Variants in PLAGL1 observed in about 807,000 individuals in gnomAD.
The protein encoded by PLAGL1 is PLAG1 like zinc finger 1, also known as zinc finger protein PLAGL1.
A neutral mutation model predicts 4.6 loss-of-function variants in PLAGL1; 1 was observed. That is an observed-to-expected ratio of 0.22 (90% CI 0.08 to 1.03). PLAGL1 has a LOEUF of 1.03. PLAGL1 is among the 50% of genes least tolerant of loss of function. The pLI, the probability that PLAGL1 is intolerant of heterozygous loss-of-function variation, is 0.58. For missense variants in PLAGL1, 464 were observed against 570.4 expected, an observed-to-expected ratio of 0.81 and a Z score of 1.90; for synonymous variants, 240 against 237.8, an observed-to-expected ratio of 1.01 and a Z score of -0.08.
Position 143,983,708 on chromosome 6 carries a change from T to C in PLAGL1, c.-544+1427A>G, listed in dbSNP as rs1004960314. 1.3e-5 allele frequency among the ~76,000 whole-genome samples: 2 copies of C among 151,636 alleles called. No homozygotes were observed. Among genetic ancestry groups the C allele is most frequent in the African/African-American group, 2.4e-5 (1 of 41,222 alleles). ...TATTGACGTTGAGTAAGGGAGGATG[T>C]GAGATATGAAGGAAGTGTGCTGCAG... On this transcript the variant is annotated intron_variant, in intron 2 of 7. Transcript: ENST00000674357. This position sits in a 1 kb window ranked among gnomAD's most constrained non-coding sequence, Gnocchi z 6.6.
rs991566536 is a variant in PLAGL1, at chr6:144,034,760, A to G, written c.-151+29708T>C. Among the ~76,000 whole-genome samples the G allele has an allele frequency of 1.3e-5, 2 of 152,152 alleles. No individual in the cohort carries two copies. The highest frequency in any genetic ancestry group is 6.5e-5 in the Admixed American group (1 of 15,280). ...AAAATCTTCCTTGGAGGGGACTGTC[A>G]TCTTACATAGCTGACAGTAATTTTC... On this transcript the variant is annotated intron_variant, in intron 1 of 3. Coordinates refer to the PLAGL1 transcript ENST00000437412. This position sits in a 1 kb window ranked among gnomAD's most constrained non-coding sequence, Gnocchi z 4.7.
At chr6:143,999,614 T>C (rs911578880) in intron 1 of PLAGL1, among the ~76,000 whole-genome samples, 2 of 152,228 alleles carry the variant, frequency 1.3e-5, no homozygotes, top group Admixed American at 1.3e-4. Flanking sequence ...CCACCTCAGT[T>C]GCTAAGCTCT....
Position 143,948,270 on chromosome 6 carries a change from C to T in PLAGL1, c.-134G>A. The T allele has an allele frequency of 1.4e-6, 1 of 728,378 alleles. No individual in the cohort carries two copies. The highest frequency in any genetic ancestry group is 2.3e-6 in the Non-Finnish European group (1 of 429,998). 45.1% of individuals were successfully genotyped at this position (728,378 alleles called of 1,614,324 possible). A position where few individuals can be genotyped will look rare whatever the true frequency, so the allele number is the denominator to read the frequency against. On this transcript the variant is annotated 5_prime_UTR_variant, in exon 7 of 8. It removes an upstream start codon present in the reference 5' UTR. Transcript: ENST00000674357. The surrounding 1 kb of genome is among the most constrained non-coding windows in gnomAD (Gnocchi z 6.0). ...GAACTCCAGACCACGGGAGAGGCAG[C>T]ATCGTGGGCCTGGTTCTACCCAGAC...
intron 1 of PLAGL1, among the ~76,000 whole-genome samples, chr6:144,014,949 G>T (rs780362140): frequency 1.6e-4 from 24 of 152,036 alleles, no homozygotes; most frequent in East Asian, 3.9e-4. Context: ...TGTGGGAACT[G>T]GTTATCTATA....
At chr6:144,014,484 T>C (rs1795433720) in intron 1 of PLAGL1, among the ~76,000 whole-genome samples, 2 of 151,914 alleles carry the variant, frequency 1.3e-5, no homozygotes, top group African/African-American at 2.4e-5. Flanking sequence ...GTACCGACAG[T>C]AGGGTACTGA....
chr6:144,035,351 T>C (rs1797142261), intron 1 of PLAGL1, among the ~76,000 whole-genome samples: 4 of 152,104 alleles, frequency 2.6e-5, no homozygotes, highest in Admixed American at 6.5e-5. Flanking sequence ...AAACCACTGG[T>C]GTAAGTCCAA....
rs992104826 is a variant in PLAGL1 at position 144,005,013 on chromosome 6, T to C, written c.-584+3077A>G. The C allele has an allele frequency of 6.7e-6, 1 of 150,014 alleles. No homozygotes were observed. Among genetic ancestry groups the C allele is most frequent in the Non-Finnish European group, 1.5e-5 (1 of 67,582 alleles). The allele number at this position is 150,014 out of a possible 1,614,324, so 9.3% of individuals were successfully genotyped here. A position where few individuals can be genotyped will look rare whatever the true frequency, so the allele number is the denominator to read the frequency against. ...ACAGAGAGATTATATATAATCTATA[T>C]ATAAAGTGTATGTGTATATATTATA... is the stretch of plus-strand genomic sequence containing the variant. On this transcript the variant is annotated intron_variant, in intron 1 of 7. Transcript: ENST00000674357. This position sits in a 1 kb window ranked among gnomAD's most constrained non-coding sequence, Gnocchi z 4.6.
intron 1 of PLAGL1, among the ~76,000 whole-genome samples, chr6:144,024,332 G>T (rs6929575): frequency 0.43 from 65,782 of 152,036 alleles, 14,301 homozygotes; most frequent in African/African-American, 0.49. Flanking sequence ...TGATGATATG[G>T]TTTGGCTGTG....
chr6:144,032,146 T>C, intron 1 of PLAGL1, among the ~76,000 whole-genome samples: 1 of 151,032 alleles, frequency 6.6e-6, no homozygotes, highest in Non-Finnish European at 1.5e-5. Context: ...AGACAGAGTA[T>C]CTATCTCTCT....
intron 1 of PLAGL1, among the ~76,000 whole-genome samples, chr6:143,986,911 T>C (rs187605758): frequency 7.9e-5 from 12 of 152,238 alleles, no homozygotes; most frequent in Non-Finnish European, 1.6e-4. Flanking sequence ...GGGAGGAGAA[T>C]GCATTATTAG....
intron 1 of PLAGL1, among the ~76,000 whole-genome samples, chr6:144,032,314 AG>A (rs1796896056): frequency 7.4e-6 from 1 of 134,662 alleles, no homozygotes; most frequent in South Asian, 2.5e-4. Context: ...GGTGGAGATG[AG>A]GTTTCACTAT....
chr6:143,992,044 G>A (rs1315882235), intron 1 of PLAGL1, among the ~76,000 whole-genome samples: 1 of 152,196 alleles, frequency 6.6e-6, no homozygotes, highest in East Asian at 1.9e-4. Context: ...AGTGGTCAAG[G>A]AAAGATATAT....
rs1232337732 is a variant in PLAGL1, at chr6:144,016,114, A to G, written c.-150-47136T>C. Among the ~76,000 whole-genome samples, 2 of 152,144 alleles carry G rather than the reference A, an allele frequency of 1.3e-5. No homozygotes were observed. The highest frequency in any genetic ancestry group is 2.9e-5 in the Non-Finnish European group (2 of 68,024). On this transcript the variant is annotated intron_variant, in intron 1 of 3. Transcript: ENST00000437412. The surrounding 1 kb of genome is among the most constrained non-coding windows in gnomAD (Gnocchi z 4.2). ...TAATAAGAGATATACATATGTGTAT[A>G]TATATATATACACACACATATACAT...
chr6:144,063,864 A>G lies in PLAGL1; in HGVS notation c.-151+604T>C, dbSNP rs371092045. On this transcript the variant is annotated intron_variant, in intron 1 of 3. Transcript: ENST00000437412. The surrounding 1 kb of genome is among the most constrained non-coding windows in gnomAD (Gnocchi z 5.7). ...GAAATTATCCCGCGCGCCGCCGGTA[A>G]TCCGGGGTGACGCCACGGCCCAGGT... Among the ~76,000 whole-genome samples, 110 of 152,158 alleles carry G rather than the reference A, an allele frequency of 7.2e-4. 3 individuals carry two copies. In the East Asian group the frequency reaches 0.019, roughly 26 times the overall value.
rs1785196472 is a variant in PLAGL1, at chr6:143,970,387, T to C, written c.-543-1409A>G. ...AAGTATTTTAACAACCTCATTAACA[T>C]ACAAATGATTAACTACAAATGATTA... is the stretch of plus-strand genomic sequence containing the variant. On this transcript the variant is annotated intron_variant, in intron 2 of 7. Transcript: ENST00000674357. The surrounding 1 kb of genome is among the most constrained non-coding windows in gnomAD (Gnocchi z 5.8). Among the ~76,000 whole-genome samples, 1 of 152,206 alleles carries C rather than the reference T, an allele frequency of 6.6e-6. No homozygotes were observed. Among genetic ancestry groups the C allele is most frequent in the Non-Finnish European group, 1.5e-5 (1 of 68,028 alleles).
At chr6:143,977,083 T>TCCCCCCCCCCCCCC (rs55975019) in intron 2 of PLAGL1, among the ~76,000 whole-genome samples, 1 of 136,918 alleles carries the variant, frequency 7.3e-6, no homozygotes, top group Non-Finnish European at 1.6e-5. Context: ...TATACTCCCT[T>TCCCCCCCCCCCCCC]CCCCCCCCCC....
chr6:144,026,551 A>G (rs1049788964), intron 1 of PLAGL1, among the ~76,000 whole-genome samples: 23 of 152,202 alleles, frequency 1.5e-4, no homozygotes, highest in African/African-American at 5.5e-4. Flanking sequence ...CCTGTGGTTC[A>G]ACTGCCACAT....
In PLAGL1 at chr6:143,960,038, T is replaced by A. The variant is rs1783041320; in HGVS notation, c.-325+431A>T. 6.6e-6 allele frequency among the ~76,000 whole-genome samples: 1 copy of A among 152,220 alleles called. No individual in the cohort carries two copies. Among genetic ancestry groups the A allele is most frequent in the African/African-American group, 2.4e-5 (1 of 41,456 alleles). Reference sequence around the variant, plus strand: ...TCATGTGGCTGGGATGCGACCAGCATCTTTCCCAGGCTTATCTTTCAGTCG... The same window carrying A: ...TCATGTGGCTGGGATGCGACCAGCAACTTTCCCAGGCTTATCTTTCAGTCG... On this transcript the variant is annotated intron_variant, in intron 6 of 7. Transcript: ENST00000674357. The surrounding 1 kb of genome is among the most constrained non-coding windows in gnomAD (Gnocchi z 5.7).
intron 6 of PLAGL1, among the ~76,000 whole-genome samples, chr6:143,956,537 T>TAAAC (rs889137482): frequency 3.9e-5 from 6 of 152,174 alleles, no homozygotes; most frequent in African/African-American, 1.4e-4. Context: ...AAGATCCTAA[T>TAAAC]AAACAAACAA....
Sources: allele counts gnomAD v4.1 joint callset (sites outside exome capture counted in the v4.1 genomes callset), GRCh38; gene constraint gnomAD v4.1.1; non-coding constraint Gnocchi (gnomAD v3.1); transcripts MANE v1.5; gene names NCBI Gene and HGNC (gene_info 2026-07-23, HGNC 2026-07-21).